NALF1: variants seen among roughly 807,000 people sequenced by gnomAD.
NALF1 encodes NALCN channel auxiliary factor 1, also known as family with sequence similarity 155 member A.
A neutral mutation model predicts 48.4 loss-of-function variants in NALF1; 3 were observed. The ratio of observed to expected loss-of-function variants is 0.06; its 90% CI spans 0.03 to 0.16. The LOEUF (loss-of-function observed/expected upper bound fraction) is 0.16. NALF1 is among the 10% of genes least tolerant of loss of function. The pLI, the probability that NALF1 is intolerant of heterozygous loss-of-function variation, is 1.00. For missense variants in NALF1, 526 were observed against 571.5 expected, an observed-to-expected ratio of 0.92 and a Z score of 0.81; for synonymous variants, 262 against 245.7, an observed-to-expected ratio of 1.07 and a Z score of -0.62.
intron 1 of NALF1, among the ~76,000 whole-genome samples, chr13:107,222,842 T>C (rs1880022660): frequency 6.6e-6 from 1 of 152,166 alleles, no homozygotes; most frequent in Admixed American, 6.5e-5. Flanking sequence ...AGTGCCTGAA[T>C]GAATGAATGA....
intron 1 of NALF1, among the ~76,000 whole-genome samples, chr13:107,764,818 C>T (rs558043231): frequency 2.8e-4 from 42 of 152,326 alleles, no homozygotes; most frequent in African/African-American, 9.4e-4. Context: ...CAGCAAGATA[C>T]TCCTTGTGCT....
intron 1 of NALF1, among the ~76,000 whole-genome samples, chr13:107,222,150 T>C (rs906492627): frequency 6.6e-6 from 1 of 152,134 alleles, no homozygotes; most frequent in Admixed American, 6.6e-5. Flanking sequence ...GAGCCAGAAT[T>C]ATATCTGGAA....
At chr13:107,370,948 C>T (rs1298879729) in intron 1 of NALF1, among the ~76,000 whole-genome samples, 1 of 152,154 alleles carries the variant, frequency 6.6e-6, no homozygotes, top group African/African-American at 2.4e-5. Context: ...ATAGAGGTAA[C>T]TGCTCCCATG....
At chr13:107,393,602 T>G (rs1883662356) in intron 1 of NALF1, among the ~76,000 whole-genome samples, 2 of 152,162 alleles carry the variant, frequency 1.3e-5, no homozygotes, top group Non-Finnish European at 2.9e-5. Flanking sequence ...GGTTTCTCCC[T>G]TCAATAGAAA....
At chr13:107,239,396 T>G (rs965312770) in intron 1 of NALF1, among the ~76,000 whole-genome samples, 1 of 152,186 alleles carries the variant, frequency 6.6e-6, no homozygotes, top group Admixed American at 6.5e-5. Context: ...TCACATGGCC[T>G]TCTCCTATAC....
At chr13:107,307,546 C>T (rs923541720) in intron 1 of NALF1, among the ~76,000 whole-genome samples, 1 of 148,304 alleles carries the variant, frequency 6.7e-6, no homozygotes, top group Non-Finnish European at 1.5e-5. Flanking sequence ...TACAGTGGCG[C>T]GATCTTGGCT....
chr13:107,441,483 G>A (rs1884559874), intron 1 of NALF1, among the ~76,000 whole-genome samples: 1 of 152,150 alleles, frequency 6.6e-6, no homozygotes, highest in Non-Finnish European at 1.5e-5. Context: ...TGAATAATGG[G>A]ACTTAGTCAT....
intron 1 of NALF1, among the ~76,000 whole-genome samples, chr13:107,509,419 G>C (rs1017814256): frequency 1.3e-5 from 2 of 152,088 alleles, no homozygotes; most frequent in Non-Finnish European, 2.9e-5. Context: ...TCACAACAAT[G>C]ATTTTTGTAG....
intron 1 of NALF1, among the ~76,000 whole-genome samples, chr13:107,322,634 G>A (rs1882279276): frequency 6.6e-6 from 1 of 152,068 alleles, no homozygotes; most frequent in African/African-American, 2.4e-5. Context: ...GCAGCTTCCT[G>A]GATGTGCTCC....
chr13:107,658,603 T>G (rs1329543039), intron 1 of NALF1, among the ~76,000 whole-genome samples: 1 of 152,140 alleles, frequency 6.6e-6, no homozygotes, highest in African/African-American at 2.4e-5. Context: ...TCAAACTCTA[T>G]TTCTTGTCAT....
intron 1 of NALF1, among the ~76,000 whole-genome samples, chr13:107,445,272 A>T (rs890483271): frequency 6.6e-6 from 1 of 152,176 alleles, no homozygotes; most frequent in African/African-American, 2.4e-5. Flanking sequence ...TCCCTGACCT[A>T]ATCTAGTCTT....
At chr13:107,735,467 C>T (rs1291204487) in intron 1 of NALF1, among the ~76,000 whole-genome samples, 1 of 152,188 alleles carries the variant, frequency 6.6e-6, no homozygotes, top group African/African-American at 2.4e-5. Flanking sequence ...TCTCTTTATC[C>T]AGGAAGGTAC....
intron 1 of NALF1, among the ~76,000 whole-genome samples, chr13:107,609,984 A>G (rs554203796): frequency 6.6e-6 from 1 of 152,360 alleles, no homozygotes; most frequent in East Asian, 1.9e-4. Flanking sequence ...AAGAGAATAT[A>G]GATAAATGAT....
intron 1 of NALF1, among the ~76,000 whole-genome samples, chr13:107,652,682 A>G (rs1057014590): frequency 1.3e-5 from 2 of 152,130 alleles, no homozygotes; most frequent in African/African-American, 4.8e-5. Flanking sequence ...CAGAACTCCC[A>G]AATTTCATCA....
intron 1 of NALF1, among the ~76,000 whole-genome samples, chr13:107,813,201 C>T (rs1023019224): frequency 1.3e-5 from 2 of 152,084 alleles, no homozygotes; most frequent in Non-Finnish European, 2.9e-5. Context: ...AATAAATATG[C>T]TTATTTATAT....
chr13:107,298,097 C>T (rs1881758248), intron 1 of NALF1, among the ~76,000 whole-genome samples: 1 of 151,920 alleles, frequency 6.6e-6, no homozygotes, highest in African/African-American at 2.4e-5. Flanking sequence ...TCAAGAAATA[C>T]ACACACACTC....
chr13:107,420,666 A>G (rs1017880807), intron 1 of NALF1, among the ~76,000 whole-genome samples: 4 of 152,284 alleles, frequency 2.6e-5, no homozygotes, highest in Admixed American at 2.0e-4. Flanking sequence ...TCTAGGAAGA[A>G]GCAATCATAC....
At chr13:107,206,293 G>C (rs1166031801) in intron 2 of NALF1, among the ~76,000 whole-genome samples, 1 of 152,042 alleles carries the variant, frequency 6.6e-6, no homozygotes, top group African/African-American at 2.4e-5. Context: ...ATATGCACGG[G>C]GATGCGCTTG....
Position 107,613,015 on chromosome 13 carries a change from G to A in NALF1, c.915+252667C>T, listed in dbSNP as rs1413211548. Among the ~76,000 whole-genome samples the A allele has an allele frequency of 1.3e-4, 19 of 143,004 alleles. No individual in the cohort carries two copies. In the South Asian group the frequency reaches 3.3e-3, roughly 25 times the overall value. 93.8% of individuals were successfully genotyped at this position (143,004 alleles called of 152,430 possible). A position where few individuals can be genotyped will look rare whatever the true frequency, so the allele number is the denominator to read the frequency against. On this transcript the variant is annotated intron_variant, in intron 1 of 2. Transcript: ENST00000375915. Reference sequence around the variant, plus strand: ...TTCCCACAATGAGAAAAAAAAAAAAGAAAAGAAAAGAAAGAAATGAGTCCC... The same window carrying A: ...TTCCCACAATGAGAAAAAAAAAAAAAAAAAGAAAAGAAAGAAATGAGTCCC...
Sources: allele counts gnomAD v4.1 joint callset (sites outside exome capture counted in the v4.1 genomes callset), GRCh38; gene constraint gnomAD v4.1.1; transcripts MANE v1.5; gene names NCBI Gene and HGNC (gene_info 2026-07-23, HGNC 2026-07-21).